The following TIAM1 variants were observed in gnomAD, a reference collection of about 807,000 sequenced individuals.
TIAM1 encodes TIAM Rac1 associated GEF 1.
In TIAM1, 65 loss-of-function variants were observed where a neutral mutation model predicts 163.5. The observed-to-expected ratio is 0.40, with a 90% confidence interval of 0.33 to 0.49. The LOEUF (loss-of-function observed/expected upper bound fraction) is 0.49. TIAM1 is among the 20% of genes least tolerant of loss of function. The pLI, the probability that TIAM1 is intolerant of heterozygous loss-of-function variation, is 0.77. For missense variants in TIAM1, 1,789 were observed against 2,044.7 expected (o/e 0.87, Z 2.41); for synonymous variants, 833 against 810.1 (o/e 1.03, Z -0.48).
At chr21:31,201,554 T>TGTGTCCTTTAA (rs1380809193) in intron 12 of TIAM1, among the ~76,000 whole-genome samples, 3 of 152,240 alleles carry the variant, frequency 2.0e-5, no homozygotes, top group African/African-American at 7.2e-5. Flanking sequence ...CAAAACTCAT[T>TGTGTCCTTTAA]GGATTGTGTC....
At chr21:31,218,975 A>G (rs2087382974) in intron 8 of TIAM1, among the ~76,000 whole-genome samples, 1 of 150,520 alleles carries the variant, frequency 6.6e-6, no homozygotes, top group African/African-American at 2.4e-5. Context: ...AACAAAAGCT[A>G]AACTCTGTCG....
intron 2 of TIAM1, among the ~76,000 whole-genome samples, chr21:31,322,815 T>C (rs903009672): frequency 1.3e-5 from 2 of 152,180 alleles, no homozygotes; most frequent in African/African-American, 2.4e-5. Context: ...TGCAATTGTA[T>C]TTCTATTTCC....
At chr21:31,156,601 C>A (rs1318599470) in intron 16 of TIAM1, among the ~76,000 whole-genome samples, 1 of 152,198 alleles carries the variant, frequency 6.6e-6, no homozygotes, top group Non-Finnish European at 1.5e-5. Flanking sequence ...TCAAGTAGGG[C>A]TTTGTCTTAA....
intron 3 of TIAM1, among the ~76,000 whole-genome samples, chr21:31,267,200 C>G (rs2072826909): frequency 6.6e-6 from 1 of 152,108 alleles, no homozygotes; most frequent in Admixed American, 6.5e-5. Context: ...AGACTGCCCC[C>G]TGAGATGTGA....
chr21:31,459,089 C>T (rs1437040455), intron 2 of TIAM1, among the ~76,000 whole-genome samples: 4 of 151,372 alleles, frequency 2.6e-5, no homozygotes, highest in African/African-American at 7.3e-5. Flanking sequence ...GAAGTTCAAC[C>T]GGAGGAGTAA....
At chr21:31,553,760 T>A (rs1227000821) in intron 1 of TIAM1, among the ~76,000 whole-genome samples, 3 of 151,904 alleles carry the variant, frequency 2.0e-5, no homozygotes, top group Non-Finnish European at 2.9e-5. Flanking sequence ...CACCCCTACC[T>A]CAAGGCCCCT....
chr21:31,261,160 C>T (rs1192919082), intron 4 of TIAM1, among the ~76,000 whole-genome samples: 1 of 152,016 alleles, frequency 6.6e-6, no homozygotes, highest in Non-Finnish European at 1.5e-5. Flanking sequence ...AGAAAGCAGC[C>T]GTGAGGGATG....
chr21:31,519,182 G>A (rs2047483538), intron 1 of TIAM1, among the ~76,000 whole-genome samples: 1 of 152,066 alleles, frequency 6.6e-6, no homozygotes, highest in Admixed American at 6.6e-5. Context: ...GTACATGCCT[G>A]TAATCTCAGC....
At chr21:31,551,600 G>A (rs1304104577) in intron 1 of TIAM1, among the ~76,000 whole-genome samples, 7 of 150,992 alleles carry the variant, frequency 4.6e-5, no homozygotes, top group East Asian at 1.9e-4. Flanking sequence ...AAAATTAGCC[G>A]GCCATACTGG....
chr21:31,413,672 A>G (rs895264301), intron 2 of TIAM1, among the ~76,000 whole-genome samples: 2 of 152,166 alleles, frequency 1.3e-5, no homozygotes, highest in African/African-American at 4.8e-5. Flanking sequence ...ATTCTGCTCC[A>G]TTAAAAAACA....
intron 2 of TIAM1, among the ~76,000 whole-genome samples, chr21:31,313,599 C>T (rs1227834347): frequency 6.6e-6 from 1 of 152,026 alleles, no homozygotes; most frequent in Non-Finnish European, 1.5e-5. Flanking sequence ...TTTTTTGAGA[C>T]AGTCTTGCTC....
intron 6 of TIAM1, among the ~76,000 whole-genome samples, chr21:31,241,107 C>T (rs889115062): frequency 7.9e-5 from 12 of 152,108 alleles, no homozygotes; most frequent in East Asian, 1.9e-4. Flanking sequence ...TCTGCCATGA[C>T]GGTGAGGCCT....
intron 1 of TIAM1, among the ~76,000 whole-genome samples, chr21:31,519,324 A>G (rs936548966): frequency 2.7e-4 from 40 of 149,408 alleles, no homozygotes; most frequent in Non-Finnish European, 7.4e-5. Flanking sequence ...AAAAAAAAAA[A>G]AAAAGAAACC....
intron 26 of TIAM1, among the ~76,000 whole-genome samples, 163 bp downstream of exon 26, chr21:31,126,901 CT>C (rs1269470711): frequency 6.6e-6 from 1 of 152,150 alleles, no homozygotes; most frequent in Non-Finnish European, 1.5e-5. Flanking sequence ...CCGATAACAC[CT>C]TCACAAGCTG....
upstream of TIAM1, among the ~76,000 whole-genome samples, chr21:31,346,705 G>T (rs2076154435): frequency 1.3e-5 from 2 of 152,178 alleles, no homozygotes; most frequent in African/African-American, 4.8e-5. Context: ...CAACAGGAAG[G>T]CGCTTCATCT....
rs954017485 is a variant in TIAM1, at chr21:31,542,287, C to T, written c.-422+16640G>A. Among the ~76,000 whole-genome samples, 52 of 151,924 alleles carry T rather than the reference C, an allele frequency of 3.4e-4. 1 individual carries two copies. The highest frequency in any genetic ancestry group is 1.5e-4 in the Non-Finnish European group (10 of 67,988). ...AAAAATAAAAAAAAAATTAGCCGGG[C>T]GTGGTGGTGTGTGCCTGTATTCCCA... is the stretch of plus-strand genomic sequence containing the variant. On this transcript the variant is annotated intron_variant, in intron 1 of 28. Transcript: ENST00000286827.
At chr21:31,165,139 G>T in intron 15 of TIAM1, 74 bp from the exon 16 acceptor site, 1 of 1,375,792 alleles carries the variant, frequency 7.3e-7, no homozygotes, top group Non-Finnish European at 1.0e-6. Flanking sequence ...TGTGTGAGGG[G>T]GACAAGGAAT....
Position 31,251,836 on chromosome 21 carries a change from G to A in TIAM1, c.1317C>T (p.Ala439=). Residue 439 remains alanine (A), a synonymous_variant, in exon 5 of 28, where the codon GCC becomes GCT. Coordinates refer to ENST00000541036, the MANE Select transcript of TIAM1 (RefSeq NM_001353694.2). ...AAQGTVRKAG[A]LAVKNFLVHK... is the part of the protein sequence containing the mutation. ...GCACCAGGAAGTTCTTGACGGCCAGGGCGCCGGCCTTGCGCACCGTGCCCT... is the reference window on the plus strand; with the variant it reads ...GCACCAGGAAGTTCTTGACGGCCAGAGCGCCGGCCTTGCGCACCGTGCCCT... The A allele has an allele frequency of 6.2e-7, 1 of 1,613,690 alleles. No individual in the cohort carries two copies. Among genetic ancestry groups the A allele is most frequent in the South Asian group, 1.1e-5 (1 of 91,040 alleles).
intron 4 of TIAM1, among the ~76,000 whole-genome samples, chr21:31,253,038 G>A (rs978749196): frequency 6.6e-6 from 1 of 152,228 alleles, no homozygotes. Context: ...AGCTGCTTCT[G>A]CTCTGAAGCT....
Sources: allele counts gnomAD v4.1 joint callset (sites outside exome capture counted in the v4.1 genomes callset), GRCh38; gene constraint gnomAD v4.1.1; transcripts MANE v1.5; gene names NCBI Gene and HGNC (gene_info 2026-07-23, HGNC 2026-07-21).